The following FANCM variants were observed in gnomAD, a reference collection of about 807,000 sequenced individuals.
The protein encoded by FANCM is Fanconi anemia group M protein.
In FANCM, 140 loss-of-function variants were observed where a neutral mutation model predicts 199.5. That is an observed-to-expected ratio of 0.70 (90% CI 0.61 to 0.81). The LOEUF is 0.81. Ranked by LOEUF, FANCM falls within the 30% of genes least tolerant of loss-of-function variation. FANCM has a pLI of 0.00. For synonymous variants in FANCM, 840 were observed against 836.8 expected (o/e 1.00, Z -0.07); for missense variants, 2,410 against 2,421.4 (o/e 1.00, Z 0.10).
At chr14:45,170,796 G>T (rs752550379) in intron 12 of FANCM, 50 bp downstream of exon 12, 22 of 1,458,270 alleles carry the variant, frequency 1.5e-5, no homozygotes, top group Non-Finnish European at 2.1e-5. Flanking sequence ...TCATTTTAAT[G>T]CCAGAACCCC....
chr14:45,175,842 C>T lies in FANCM; in HGVS notation c.3088C>T (p.Arg1030Ter), dbSNP rs759378949. The change falls in exon 14 of 23, where the codon CGA (arginine) becomes TGA (stop). Residue 1030 changes from arginine (R) to a stop codon, truncating the protein, a stop_gained. Coordinates refer to ENST00000267430, the MANE Select transcript of FANCM (RefSeq NM_020937.4). LOFTEE classifies it high-confidence loss of function. Reference sequence around the variant, plus strand: ...TTTCTTACCCTGTGCAGAGCATTTACGAAGTGATAAATGCACCTGTTTGCT... The same window carrying T: ...TTTCTTACCCTGTGCAGAGCATTTATGAAGTGATAAATGCACCTGTTTGCT... ...LLFLPCAEHLRSDKCTCLLSH... is the reference protein window; with the variant it reads ...LLFLPCAEHL The T allele has an allele frequency of 5.0e-6, 8 of 1,613,716 alleles. No individual in the cohort carries two copies. Among genetic ancestry groups the T allele is most frequent in the African/African-American group, 2.7e-5 (2 of 74,868 alleles).
chr14:45,142,063 A>C (rs768560828), intron 3 of FANCM, among the ~76,000 whole-genome samples: 22 of 152,100 alleles, frequency 1.4e-4, no homozygotes, highest in Admixed American at 7.2e-4. Context: ...AAAATTGCAA[A>C]AATAGAAGTC....
rs1180973827 is a variant in FANCM at position 45,200,113 on chromosome 14, TTAAA to T, written c.*108_*111del. On this transcript the variant is annotated 3_prime_UTR_variant, in exon 23 of 23. Coordinates refer to ENST00000267430, the MANE Select transcript of FANCM (RefSeq NM_020937.4). ...ATTTGTAAATAAGAGAATATTTTAT[TTAAA>T]TATTTTATATTGTATACATTTTTAT... 5.7e-6 allele frequency: 3 copies of T among 528,166 alleles called. No individual in the cohort carries two copies. The highest frequency in any genetic ancestry group is 2.0e-5 in the African/African-American group (1 of 49,550). The allele number at this position is 528,166 out of a possible 1,614,324, so 32.7% of individuals were successfully genotyped here.
intron 2 of FANCM, among the ~76,000 whole-genome samples, chr14:45,138,380 A>G (rs1346451255): frequency 6.6e-6 from 1 of 152,186 alleles, no homozygotes; most frequent in Non-Finnish European, 1.5e-5. Context: ...TTATTGTATT[A>G]TATCTCTGTA....
Position 45,196,372 on chromosome 14 carries a change from T to A in FANCM, c.5541T>A (p.Val1847=). Reference sequence around the variant, plus strand: ...CAATTCATGGGTTGCAAGTAGAAGTTTGTCCTCTTAATGGCTGTGATTACA... The same window carrying A: ...CAATTCATGGGTTGCAAGTAGAAGTATGTCCTCTTAATGGCTGTGATTACA... ...LRAIHGLQVE[V]CPLNGCDYIV... The change falls in exon 21 of 23, where the codon GTT becomes GTA. Residue 1847 remains valine (V), a synonymous_variant. Coordinates refer to ENST00000267430, the MANE Select transcript of FANCM (RefSeq NM_020937.4). 1 of 1,614,168 alleles carries A rather than the reference T, an allele frequency of 6.2e-7. No homozygotes were observed. Among genetic ancestry groups the A allele is most frequent in the Non-Finnish European group, 8.5e-7 (1 of 1,180,024 alleles).
chr14:45,136,414 T>A lies in FANCM; in HGVS notation c.383T>A (p.Phe128Tyr), dbSNP rs1885509411. 6.2e-7 allele frequency: 1 copy of A among 1,614,210 alleles called. No homozygotes were observed. Among genetic ancestry groups the A allele is most frequent in the Admixed American group, 1.7e-5 (1 of 60,024 alleles). ...ATTGCCGCCGTGGTCATGTACAATTTCTACCGCTGGTTCCCTTCAGGAAAG... is the reference window on the plus strand; with the variant it reads ...ATTGCCGCCGTGGTCATGTACAATTACTACCGCTGGTTCCCTTCAGGAAAG... The part of the protein sequence containing the change: ...TFIAAVVMYN[F>Y]YRWFPSGKVV... The change falls in exon 1 of 23, where the codon TTC (phenylalanine) becomes TAC (tyrosine). Residue 128 changes from phenylalanine to tyrosine, a missense_variant. Phe to Tyr is a conservative substitution (Grantham distance 22). Coordinates refer to ENST00000267430, the MANE Select transcript of FANCM (RefSeq NM_020937.4).
intron 3 of FANCM, among the ~76,000 whole-genome samples, chr14:45,147,371 A>C (rs1423423053): frequency 6.6e-6 from 1 of 150,736 alleles, no homozygotes; most frequent in African/African-American, 2.4e-5. Context: ...ATACAGTCGC[A>C]ACTGTAGTTC....
At position 45,185,310 on chromosome 14, in the gene FANCM, G is replaced by T. The variant is rs775403978; in HGVS notation, c.4609G>T (p.Glu1537Ter). 3.1e-6 allele frequency: 5 copies of T among 1,596,928 alleles called. No individual in the cohort carries two copies. The highest frequency in any genetic ancestry group is 4.3e-6 in the Non-Finnish European group (5 of 1,166,914). The change falls in exon 18 of 23, where the codon GAA (glutamate) becomes TAA (stop). Residue 1537 changes from glutamate to a stop codon, truncating the protein, a stop_gained. Transcript: ENST00000267430. LOFTEE classifies it high-confidence loss of function. ...AGATGAAAATGATGAGTCAGAAAAT[G>T]AACAAGATTCCTCATTACTTGACTT... ...SSDENDESEN[E>*]QDSSLLDFLN...
Position 45,136,051 on chromosome 14 carries a change from C to G in FANCM, c.20C>G (p.Thr7Arg). 1 of 1,613,630 alleles carries G rather than the reference C, an allele frequency of 6.2e-7. No homozygotes were observed. Among genetic ancestry groups the G allele is most frequent in the Non-Finnish European group, 8.5e-7 (1 of 1,180,034 alleles). The stretch of plus-strand genomic sequence containing the variant: ...GGCCTAATGAGCGGACGGCAAAGAA[C>G]GCTTTTTCAGACGTGGGGCTCAAGT... Reference protein sequence around the residue: MSGRQRTLFQTWGSSIS... With the variant: MSGRQRRLFQTWGSSIS... The change falls in exon 1 of 23, where the codon ACG becomes AGG. Residue 7 changes from threonine to arginine, a missense_variant. Thr to Arg is a moderately conservative substitution (Grantham distance 71). Transcript: ENST00000267430.
intron 3 of FANCM, among the ~76,000 whole-genome samples, chr14:45,145,359 C>G (rs1886286981): frequency 6.6e-6 from 1 of 152,062 alleles, no homozygotes; most frequent in Non-Finnish European, 1.5e-5. Flanking sequence ...CACGTGCCCC[C>G]CATGTTCATC....
At position 45,180,935 on chromosome 14, in the gene FANCM, A is replaced by G. The variant is rs765891813; in HGVS notation, c.4223-495A>G. ...GTTACAACATTTTGTATTGAATTGT[A>G]TCTTACCAATTTTTATTTCATGTAC... On this transcript the variant is annotated intron_variant, in intron 14 of 22. Transcript: ENST00000267430. 4.1e-5 allele frequency: 7 copies of G among 171,568 alleles called. No homozygotes were observed. The South Asian group carries it at 7.0e-4, about 17-fold the overall frequency. 10.6% of individuals were successfully genotyped at this position (171,568 alleles called of 1,614,324 possible).
At position 45,167,018 on chromosome 14, in the gene FANCM, T is replaced by C. The variant is rs1888027206; in HGVS notation, c.1857T>C (p.Leu619=). Residue 619 remains leucine (L), a synonymous_variant, in exon 11 of 23, where the codon CTT becomes CTC. Coordinates refer to ENST00000267430, the MANE Select transcript of FANCM (RefSeq NM_020937.4). ...CTATTTCAAGTAACAGGCAGGTCCT[T>C]CATTTTTACCAAAGAAGTCCACGAA... ...YKAISSNRQV[L]HFYQRSPRMV... is the part of the protein sequence containing the mutation. 1 of 1,611,766 alleles carries C rather than the reference T, an allele frequency of 6.2e-7. No individual in the cohort carries two copies. Among genetic ancestry groups the C allele is most frequent in the East Asian group, 2.2e-5 (1 of 44,864 alleles).
At position 45,159,163 on chromosome 14, in the gene FANCM, T is replaced by G. The variant is rs762633825; in HGVS notation, c.1464T>G (p.Ser488Arg). 6.2e-7 allele frequency: 1 copy of G among 1,613,302 alleles called. No individual in the cohort carries two copies. Among genetic ancestry groups the G allele is most frequent in the Admixed American group, 1.7e-5 (1 of 59,986 alleles). Residue 488 changes from serine to arginine, a missense_variant, in exon 9 of 23, where the codon AGT (serine) becomes AGG (arginine). By Grantham distance (110) the Ser-to-Arg change is moderately radical. Transcript: ENST00000267430. ...RVMIFSSFRD[S>R]VQEIAEMLSQ... ...TGATCTTCTCTTCATTTCGAGATAG[T>G]GTTCAAGAAATTGCAGAAATGCTTT...
chr14:45,176,428 G>C lies in FANCM; in HGVS notation c.3674G>C (p.Arg1225Thr). ...KNHEDIFDCS[R>T]DLFSVTFDLG... ...CATGAGGATATTTTTGATTGCTCTA[G>C]GGATTTATTTTCTGTTACCTTTGAT... The change falls in exon 14 of 23, where the codon AGG becomes ACG. Residue 1225 changes from arginine (R) to threonine (T), a missense_variant. Arg to Thr is a moderately conservative substitution (Grantham distance 71). Transcript: ENST00000267430. 1 of 1,613,000 alleles carries C rather than the reference G, an allele frequency of 6.2e-7. No individual in the cohort carries two copies. Among genetic ancestry groups the C allele is most frequent in the Non-Finnish European group, 8.5e-7 (1 of 1,179,862 alleles).
rs1051482978 is a variant in FANCM, at chr14:45,159,365, G to A, written c.1581+85G>A. 9.6e-5 allele frequency: 88 copies of A among 912,666 alleles called. No individual in the cohort carries two copies. In the South Asian group the frequency reaches 1.2e-3, roughly 13 times the overall value. 56.5% of individuals were successfully genotyped at this position (912,666 alleles called of 1,614,324 possible). ...TTTTTTTGTTAGTTTTAACTCACTGGTCAATTAGCTACTTAAAAAGAATTT... is the reference window on the plus strand; with the variant it reads ...TTTTTTTGTTAGTTTTAACTCACTGATCAATTAGCTACTTAAAAAGAATTT... On this transcript the variant is annotated intron_variant, in intron 9 of 22. Coordinates refer to ENST00000267430, the MANE Select transcript of FANCM (RefSeq NM_020937.4).
chr14:45,160,517 G>C (rs1300640368), intron 9 of FANCM, among the ~76,000 whole-genome samples: 1 of 149,952 alleles, frequency 6.7e-6, no homozygotes, highest in Non-Finnish European at 1.5e-5. Context: ...GTAGAGACAG[G>C]GTTTCACCAT....
chr14:45,154,912 C>T (rs1887073615), intron 7 of FANCM, 90 bp downstream of exon 7: 2 of 935,320 alleles, frequency 2.1e-6, no homozygotes, highest in Admixed American at 1.9e-5. Context: ...CAAATGTCTA[C>T]AATTATTTAT....
At position 45,175,494 on chromosome 14, in the gene FANCM, G is replaced by A; in HGVS notation, c.2740G>A (p.Glu914Lys). ...AATTGCTGCCACATGTACTATTAATGAAAATGTTATTAAAGAACCGTGTGT... is the reference window on the plus strand; with the variant it reads ...AATTGCTGCCACATGTACTATTAATAAAAATGTTATTAAAGAACCGTGTGT... ...DEIAATCTIN[E>K]NVIKEPCVLL... The change falls in exon 14 of 23, where the codon GAA (glutamate) becomes AAA (lysine). Residue 914 changes from glutamate (E) to lysine (K), a missense_variant. By Grantham distance (56) the Glu-to-Lys change is moderately conservative (BLOSUM62 1). Transcript: ENST00000267430. 6.2e-7 allele frequency: 1 copy of A among 1,612,710 alleles called. No homozygotes were observed. Among genetic ancestry groups the A allele is most frequent in the Non-Finnish European group, 8.5e-7 (1 of 1,179,162 alleles).
rs2139269896 is a variant in FANCM, at chr14:45,181,415, A to C, written c.4223-15A>C. 2 of 1,429,724 alleles carry C rather than the reference A, an allele frequency of 1.4e-6. No individual in the cohort carries two copies. Among genetic ancestry groups the C allele is most frequent in the Non-Finnish European group, 2.0e-6 (2 of 1,016,664 alleles). 88.6% of individuals were successfully genotyped at this position (1,429,724 alleles called of 1,614,324 possible). Reference sequence around the variant, plus strand: ...AATCTATTAACCATTCATTATTTTAAAAAATAAATTATAGATGGACAATTA... The same window carrying C: ...AATCTATTAACCATTCATTATTTTACAAAATAAATTATAGATGGACAATTA... On this transcript the variant is annotated splice_polypyrimidine_tract_variant and intron_variant, in intron 14 of 22. Coordinates refer to ENST00000267430, the MANE Select transcript of FANCM (RefSeq NM_020937.4).
Sources: allele counts gnomAD v4.1 joint callset (sites outside exome capture counted in the v4.1 genomes callset), GRCh38; gene constraint gnomAD v4.1.1; transcripts MANE v1.5; gene names NCBI Gene and HGNC (gene_info 2026-07-23, HGNC 2026-07-21).